Variants in STS observed in about 807,000 individuals in gnomAD.
The protein encoded by STS is steryl-sulfatase.
STS carries 7 observed loss-of-function variants against 26.8 expected under a neutral mutation model. The observed-to-expected ratio is 0.26, with a 90% CI of 0.15 to 0.49. The LOEUF (loss-of-function observed/expected upper bound fraction) is 0.49, where lower values mean the gene tolerates loss of function less well. STS is among the 20% of genes least tolerant of loss of function. The pLI is 0.98. For missense variants in STS, 434 were observed against 465.6 expected, an observed-to-expected ratio of 0.93 and a Z score of 0.63; for synonymous variants, 199 against 189.4, an observed-to-expected ratio of 1.05 and a Z score of -0.42.
chrX:7,288,094 C>T (rs1925223774), intron 7 of STS, among the ~76,000 whole-genome samples: 1 of 108,659 alleles, frequency 9.2e-6, no homozygotes, highest in Admixed American at 9.9e-5. Flanking sequence ...GATTTGTTTG[C>T]ACTATCTATA....
chrX:7,223,797 T>A (rs1046524023), intron 2 of STS, among the ~76,000 whole-genome samples: 8 of 111,843 alleles, frequency 7.2e-5, no homozygotes, highest in African/African-American at 1.3e-4. Flanking sequence ...TTGCATTTGC[T>A]TTTGAGGACT....
intron 6 of STS, among the ~76,000 whole-genome samples, chrX:7,266,189 T>C (rs867203353): frequency 1.9e-5 from 2 of 103,811 alleles, no homozygotes; most frequent in Non-Finnish European, 4.0e-5. Context: ...ATATATATAT[T>C]TGTACACAGC....
At chrX:7,151,467 C>T (rs1327832465) in intron 1 of STS, among the ~76,000 whole-genome samples, 1 of 111,516 alleles carries the variant, frequency 9.0e-6, no homozygotes, top group Non-Finnish European at 1.9e-5. Flanking sequence ...GCCTTCTTCC[C>T]CTAGATAGCT....
At chrX:7,313,115 C>G in intron 8 of STS, among the ~76,000 whole-genome samples, 1 of 112,527 alleles carries the variant, frequency 8.9e-6, no homozygotes, top group South Asian at 3.7e-4. Context: ...TCTCTGCCTA[C>G]AGGCAAGTAA....
At chrX:7,206,475 T>G (rs1250504604) in intron 2 of STS, among the ~76,000 whole-genome samples, 1 of 112,570 alleles carries the variant, frequency 8.9e-6, no homozygotes, top group African/African-American at 3.2e-5. Flanking sequence ...GATCAATCTT[T>G]TCTTTTCTTT....
At chrX:7,334,220 C>T (rs776902839) in intron 10 of STS, 113 bp downstream of exon 10, 19 of 1,034,847 alleles carry the variant, frequency 1.8e-5, no homozygotes, top group Non-Finnish European at 2.6e-5. Context: ...CAACAGGTGC[C>T]TCAATGTGCG....
At chrX:7,183,324 C>T (rs1256268007) in intron 1 of STS, among the ~76,000 whole-genome samples, 1 of 111,763 alleles carries the variant, frequency 8.9e-6, no homozygotes. Flanking sequence ...CTCCCTCTGT[C>T]TGCTGCTGGA....
chrX:7,253,282 T>C lies in STS; in HGVS notation c.83T>C (p.Met28Thr), dbSNP rs770166351. ...TCAAGGCCGAACATCATCCTGGTGA[T>C]GGCTGACGACCTCGGCATTGGAGAT... ...AASRPNIILV[M>T]ADDLGIGDPG... The change falls in exon 3 of 11, where the codon ATG becomes ACG. Residue 28 changes from methionine to threonine, a missense_variant. Transcript: ENST00000674429. 1.7e-6 allele frequency: 2 copies of C among 1,211,759 alleles called. No homozygotes were observed. Among genetic ancestry groups the C allele is most frequent in the Non-Finnish European group, 2.2e-6 (2 of 895,429 alleles).
intron 2 of STS, among the ~76,000 whole-genome samples, chrX:7,238,688 T>C (rs1922445885): frequency 9.2e-6 from 1 of 108,877 alleles, no homozygotes; most frequent in Non-Finnish European, 1.9e-5. Flanking sequence ...AAAAATTAGC[T>C]AGGTGTGGTG....
intron 1 of STS, among the ~76,000 whole-genome samples, chrX:7,176,656 A>G (rs1933575862): frequency 8.9e-6 from 1 of 111,750 alleles, no homozygotes; most frequent in African/African-American, 3.3e-5. Flanking sequence ...CATGTCCTTC[A>G]CATGACAGCA....
intron 2 of STS, among the ~76,000 whole-genome samples, chrX:7,192,097 A>G (rs1933885015): frequency 8.9e-6 from 1 of 112,133 alleles, no homozygotes; most frequent in South Asian, 3.7e-4. Context: ...CAGCTGGCTC[A>G]AAGAAATGGG....
chrX:7,232,593 C>T (rs1922112877), intron 2 of STS, among the ~76,000 whole-genome samples: 1 of 111,827 alleles, frequency 8.9e-6, no homozygotes, highest in Non-Finnish European at 1.9e-5. Flanking sequence ...CAGTTTCCTA[C>T]CTTGAACAGG....
chrX:7,307,794 A>G (rs1377920298), intron 8 of STS, among the ~76,000 whole-genome samples: 1 of 112,026 alleles, frequency 8.9e-6, no homozygotes, highest in Non-Finnish European at 1.9e-5. Context: ...GTCAGAGTTC[A>G]GTCCTCAGTT....
chrX:7,215,718 C>T (rs1921282432), intron 2 of STS, among the ~76,000 whole-genome samples: 1 of 111,329 alleles, frequency 9.0e-6, no homozygotes, highest in African/African-American at 3.3e-5. Flanking sequence ...GTTTTCATCT[C>T]CTCTGTTCCC....
Position 7,279,309 on chromosome X carries a change from A to ATGTG in STS, c.943+3223_943+3224insGTGT, listed in dbSNP as rs1445992524. Among the ~76,000 whole-genome samples, 112 of 34,244 alleles carry ATGTG rather than the reference A, an allele frequency of 3.3e-3. 3 individuals are homozygous for ATGTG. Among genetic ancestry groups the ATGTG allele is most frequent in the Non-Finnish European group, 5.0e-3 (76 of 15,160 alleles). The allele number at this position is 34,244 out of a possible 115,157, so 29.7% of individuals were successfully genotyped here. ...AAAAAAAAAATATATATATATATAT[A>ATGTG]TATGTGTGTGTGTGTGTGTGTGTGT... On this transcript the variant is annotated intron_variant, in intron 7 of 10. Transcript: ENST00000674429.
chrX:7,270,028 A>G (rs1161450412), intron 6 of STS, among the ~76,000 whole-genome samples: 3 of 112,021 alleles, frequency 2.7e-5, no homozygotes, highest in Non-Finnish European at 5.6e-5. Context: ...TCCTGCCTCT[A>G]TAGAATGTAA....
chrX:7,295,207 G>A (rs1198688702), intron 7 of STS, among the ~76,000 whole-genome samples: 2 of 111,826 alleles, frequency 1.8e-5, no homozygotes, highest in African/African-American at 6.5e-5. Context: ...GTCAAAATTA[G>A]GGGTCAGAAC....
rs780536290 is a variant in STS at position 7,333,991 on chromosome X, T to C, written c.1247T>C (p.Ile416Thr). Residue 416 changes from isoleucine to threonine, a missense_variant, in exon 10 of 11, where the codon ATT becomes ACT. Physicochemically the swap from Ile to Thr is moderately conservative, Grantham distance 89. Coordinates refer to ENST00000674429, the MANE Select transcript of STS (RefSeq NM_001320752.2). ...AGAPLPEDRI[I>T]DGRDLMPLLE... The stretch of plus-strand genomic sequence containing the variant: ...CCTGGCTGTTTATCCCACAGGATCA[T>C]TGATGGACGTGATCTGATGCCCCTG... 9.9e-6 allele frequency: 12 copies of C among 1,209,638 alleles called. No individual in the cohort carries two copies. Among genetic ancestry groups the C allele is most frequent in the South Asian group, 5.3e-5 (3 of 56,802 alleles).
chrX:7,220,749 C>T (rs1419768761), intron 2 of STS, among the ~76,000 whole-genome samples: 1 of 108,874 alleles, frequency 9.2e-6, no homozygotes, highest in African/African-American at 3.4e-5. Context: ...CGGGGTTTCA[C>T]GTGTTAGTCA....
Sources: allele counts gnomAD v4.1 joint callset (sites outside exome capture counted in the v4.1 genomes callset), GRCh38; gene constraint gnomAD v4.1.1; transcripts MANE v1.5; gene names NCBI Gene and HGNC (gene_info 2026-07-23, HGNC 2026-07-21).